Variants in CAPZA1 observed in about 807,000 individuals in gnomAD.
CAPZA1 encodes the protein F-actin-capping protein subunit alpha-1.
A neutral mutation model predicts 40.8 loss-of-function variants in CAPZA1; 10 were observed. The observed-to-expected ratio is 0.25, with a 90% CI of 0.15 to 0.42. The LOEUF is 0.42. Ranked by LOEUF, CAPZA1 falls within the 10% of genes least tolerant of loss-of-function variation. The pLI is 1.00. For synonymous variants in CAPZA1, 98 were observed against 115.0 expected, an observed-to-expected ratio of 0.85 and a Z score of 0.95; for missense variants, 277 against 353.8, an observed-to-expected ratio of 0.78 and a Z score of 1.74.
At chr1:112,641,745 G>A (rs576589623) in intron 1 of CAPZA1, among the ~76,000 whole-genome samples, 5 of 151,574 alleles carry the variant, frequency 3.3e-5, no homozygotes, top group Admixed American at 6.6e-5. Context: ...AAAAATTAGC[G>A]GGGCCTTATG....
At chr1:112,640,922 C>T (rs1671143890) in intron 1 of CAPZA1, among the ~76,000 whole-genome samples, 1 of 152,072 alleles carries the variant, frequency 6.6e-6, no homozygotes, top group African/African-American at 2.4e-5. Context: ...GTGACCTTAC[C>T]CCCAACCCTG....
chr1:112,622,883 C>CTT (rs1185251876), intron 1 of CAPZA1, among the ~76,000 whole-genome samples: 10 of 139,646 alleles, frequency 7.2e-5, no homozygotes, highest in African/African-American at 1.0e-4. Context: ...ATATTTTATA[C>CTT]TTTTTTTTTT....
At chr1:112,656,755 T>C (rs1671507585) in intron 5 of CAPZA1, among the ~76,000 whole-genome samples, 1 of 152,158 alleles carries the variant, frequency 6.6e-6, no homozygotes, top group Non-Finnish European at 1.5e-5. Context: ...CTATGTCTTA[T>C]GTCTTCAGCT....
At chr1:112,642,406 G>A (rs184509205) in intron 1 of CAPZA1, among the ~76,000 whole-genome samples, 43 of 151,548 alleles carry the variant, frequency 2.8e-4, no homozygotes, top group African/African-American at 9.4e-4. Context: ...TAGTAGAGAT[G>A]GGGTTTCACC....
intron 1 of CAPZA1, among the ~76,000 whole-genome samples, chr1:112,637,611 C>T (rs138395692): frequency 3.9e-5 from 6 of 152,270 alleles, no homozygotes; most frequent in Admixed American, 6.5e-5. Context: ...CCATGCCCGG[C>T]TAAATTTTCT....
chr1:112,657,678 G>A (rs1005129015), intron 5 of CAPZA1, among the ~76,000 whole-genome samples: 4 of 151,708 alleles, frequency 2.6e-5, no homozygotes, highest in Admixed American at 1.3e-4. Flanking sequence ...TGCAACCTCC[G>A]CCTCTCAGGT....
At chr1:112,634,376 A>G (rs1181132810) in intron 1 of CAPZA1, among the ~76,000 whole-genome samples, 7 of 152,194 alleles carry the variant, frequency 4.6e-5, no homozygotes, top group Admixed American at 4.6e-4. Flanking sequence ...TCAAAGGGAA[A>G]TTGGAACAGA....
At position 112,631,553 on chromosome 1, in the gene CAPZA1, C is replaced by T. The variant is rs1010414997; in HGVS notation, c.39+11670C>T. 7.2e-5 allele frequency among the ~76,000 whole-genome samples: 11 copies of T among 152,222 alleles called. No homozygotes were observed. In the South Asian group the frequency reaches 2.1e-3, roughly 29 times the overall value. ...AAAGATATACTTTAAGTTAGAATGC[C>T]GTAACATGCCAGATACATACCAGAT... On this transcript the variant is annotated intron_variant, in intron 1 of 9. Transcript: ENST00000263168.
chr1:112,662,620 G>A (rs988149132), intron 7 of CAPZA1, among the ~76,000 whole-genome samples: 7 of 151,704 alleles, frequency 4.6e-5, no homozygotes, highest in East Asian at 3.9e-4. Flanking sequence ...GGCTGGTCTC[G>A]AACTCCTGAC....
intron 2 of CAPZA1, 118 bp downstream of exon 2, chr1:112,647,391 A>G (rs1250942083): frequency 1.1e-5 from 6 of 533,968 alleles, no homozygotes; most frequent in African/African-American, 1.9e-5. Context: ...AAGATTCAAA[A>G]AAATTGAAAT....
intron 7 of CAPZA1, 89 bp from the exon 8 acceptor site, chr1:112,666,985 A>T: frequency 1.2e-6 from 1 of 863,318 alleles, no homozygotes; most frequent in Admixed American, 2.4e-5. Context: ...TCATCAACTT[A>T]AAGATAGCTT....
At chr1:112,621,779 T>TTTTA (rs1670676469) in intron 1 of CAPZA1, among the ~76,000 whole-genome samples, 1 of 150,198 alleles carries the variant, frequency 6.7e-6, no homozygotes, top group Admixed American at 6.6e-5. Flanking sequence ...TTTTTTTTTT[T>TTTTA]GAGATGGAGT....
chr1:112,663,589 C>CCTCCTGGCTTCAAGTGATT (rs1553181008), intron 7 of CAPZA1, among the ~76,000 whole-genome samples: 2 of 152,052 alleles, frequency 1.3e-5, no homozygotes, highest in African/African-American at 4.8e-5. Flanking sequence ...GCAGCCTCTG[C>CCTCCTGGCTTCAAGTGATT]CTCCTGGCTT....
At position 112,670,362 on chromosome 1, in the gene CAPZA1, C is replaced by CTTTTTTTT. The variant is rs58051216; in HGVS notation, c.*242_*249dup. Reference sequence around the variant, plus strand: ...TATATCTACGTGTAAATCTTTTTTTCTTTTTTTTTTTTTTTTTTTGGTTAA... The same window carrying CTTTTTTTT: ...TATATCTACGTGTAAATCTTTTTTTCTTTTTTTTTTTTTTTTTTTTTTTTTTTGGTTAA... On this transcript the variant is annotated 3_prime_UTR_variant, in exon 10 of 10. Coordinates refer to ENST00000263168, the MANE Select transcript of CAPZA1 (RefSeq NM_006135.3). 229 of 150,124 alleles carry CTTTTTTTT rather than the reference C, an allele frequency of 1.5e-3. 2 individuals carry two copies. The highest frequency in any genetic ancestry group is 1.8e-3 in the African/African-American group (49 of 26,648). 9.3% of individuals were successfully genotyped at this position (150,124 alleles called of 1,614,324 possible). A position where few individuals can be genotyped will look rare whatever the true frequency, so the allele number is the denominator to read the frequency against.
chr1:112,652,905 TTTGA>T (rs145184707), intron 3 of CAPZA1, among the ~76,000 whole-genome samples: 4,823 of 152,294 alleles, frequency 0.032, 125 homozygotes, highest in African/African-American at 0.072. Context: ...AGGCATGTAC[TTTGA>T]TTATTTATGC....
chr1:112,655,743 A>G (rs924786251), intron 5 of CAPZA1, among the ~76,000 whole-genome samples: 3 of 151,876 alleles, frequency 2.0e-5, no homozygotes, highest in African/African-American at 4.8e-5. Flanking sequence ...TTATATTTTT[A>G]GTAGAGACAG....
intron 3 of CAPZA1, among the ~76,000 whole-genome samples, chr1:112,652,257 G>A (rs982425145): frequency 6.6e-6 from 1 of 151,954 alleles, no homozygotes; most frequent in South Asian, 2.1e-4. Context: ...TGAGGTGGGC[G>A]GATCACCTGA....
chr1:112,662,589 A>G (rs1671639376), intron 7 of CAPZA1, among the ~76,000 whole-genome samples: 1 of 151,486 alleles, frequency 6.6e-6, no homozygotes, highest in Non-Finnish European at 1.5e-5. Flanking sequence ...TAGTAGAGAC[A>G]GGGTTTCACT....
At chr1:112,662,133 G>A (rs1435978992) in intron 7 of CAPZA1, among the ~76,000 whole-genome samples, 1 of 152,096 alleles carries the variant, frequency 6.6e-6, no homozygotes, top group Non-Finnish European at 1.5e-5. Context: ...TTGAAACGGT[G>A]TATCTCAACT....
Sources: allele counts gnomAD v4.1 joint callset (sites outside exome capture counted in the v4.1 genomes callset), GRCh38; gene constraint gnomAD v4.1.1; transcripts MANE v1.5; gene names NCBI Gene and HGNC (gene_info 2026-07-23, HGNC 2026-07-21).